ADAMTS17: variants seen among roughly 807,000 people sequenced by gnomAD.
ADAMTS17 encodes A disintegrin and metalloproteinase with thrombospondin motifs 17.
A neutral mutation model predicts 141.5 loss-of-function variants in ADAMTS17; 113 were observed. That is an observed-to-expected ratio of 0.80 (90% CI 0.69 to 0.93). The LOEUF (loss-of-function observed/expected upper bound fraction) is 0.93, where lower values mean the gene tolerates loss of function less well. Among genes scored for constraint, ADAMTS17 ranks in the 40% least tolerant of loss-of-function variants. ADAMTS17 has a pLI of 0.00. For synonymous variants in ADAMTS17, 768 were observed against 630.6 expected (o/e 1.22, Z -3.27); for missense variants, 1,659 against 1,517.9 (o/e 1.09, Z -1.54).
At chr15:100,303,227 T>TTATATA (rs1467217043) in intron 3 of ADAMTS17, among the ~76,000 whole-genome samples, 1 of 147,380 alleles carries the variant, frequency 6.8e-6, no homozygotes, top group Non-Finnish European at 1.5e-5. Flanking sequence ...AACATATATA[T>TTATATA]TATATATATA....
chr15:100,049,987 A>G (rs989246776), intron 17 of ADAMTS17, among the ~76,000 whole-genome samples: 2 of 152,166 alleles, frequency 1.3e-5, no homozygotes, highest in Non-Finnish European at 2.9e-5. Flanking sequence ...AGTGACAATA[A>G]AAGATTAATA....
At chr15:100,281,437 C>T in intron 3 of ADAMTS17, 36 bp from the exon 4 acceptor site, 2 of 1,596,558 alleles carry the variant, frequency 1.3e-6, no homozygotes, top group Non-Finnish European at 1.7e-6. Context: ...CGGTCCTTGG[C>T]TTACTGACTT....
intron 18 of ADAMTS17, among the ~76,000 whole-genome samples, chr15:100,009,859 A>G (rs915429610): frequency 2.0e-5 from 3 of 152,210 alleles, no homozygotes; most frequent in Admixed American, 6.5e-5. Flanking sequence ...AAGGCCTCTG[A>G]GTACTGAATC....
intron 15 of ADAMTS17, among the ~76,000 whole-genome samples, chr15:100,062,110 CAG>C (rs2033165553): frequency 6.6e-6 from 1 of 150,736 alleles, no homozygotes. Flanking sequence ...GTTCTATTTG[CAG>C]AGTGACAGCT....
intron 4 of ADAMTS17, among the ~76,000 whole-genome samples, chr15:100,270,183 TTTCTTCTGTGACTCTGGAG>T (rs2043856383): frequency 7.5e-6 from 1 of 133,638 alleles, no homozygotes; most frequent in Non-Finnish European, 1.8e-5. Flanking sequence ...TCTGGAGCCA[TTTCTTCTGTGACTCTGGAG>T]CCATTTCTTC....
chr15:100,073,827 A>C (rs1326473732), intron 15 of ADAMTS17, among the ~76,000 whole-genome samples: 1 of 151,586 alleles, frequency 6.6e-6, no homozygotes, highest in African/African-American at 2.4e-5. Flanking sequence ...TAACGAGTTG[A>C]TGGGTGCAGC....
intron 20 of ADAMTS17, chr15:99,978,795 C>T (rs1567634600): frequency 6.6e-6 from 1 of 152,210 alleles, no homozygotes; most frequent in Non-Finnish European, 1.5e-5. Flanking sequence ...AAAAATCCCA[C>T]ACCAATACAA....
At chr15:100,296,581 G>C (rs1424480900) in intron 3 of ADAMTS17, among the ~76,000 whole-genome samples, 2 of 130,732 alleles carry the variant, frequency 1.5e-5, no homozygotes, top group Non-Finnish European at 3.1e-5. Context: ...GTGAGGGGGG[G>C]TGTGTGTGTG....
chr15:100,163,063 T>C (rs1474821990), intron 8 of ADAMTS17, among the ~76,000 whole-genome samples: 1 of 149,348 alleles, frequency 6.7e-6, no homozygotes, highest in Non-Finnish European at 1.5e-5. Flanking sequence ...TATGTATATA[T>C]ATGTGTATAC....
Position 100,291,817 on chromosome 15 carries a change from C to T in ADAMTS17, c.617-10416G>A, listed in dbSNP as rs186189829. 1.6e-3 allele frequency among the ~76,000 whole-genome samples: 248 copies of T among 152,224 alleles called. 1 individual carries two copies. The highest frequency in any genetic ancestry group is 5.5e-3 in the African/African-American group (230 of 41,524). ...GTACACATGGCCACAAAGAAGTGAA[C>T]GACCTATCGGGTACTATGCTTATTT... On this transcript the variant is annotated intron_variant, in intron 3 of 21. Coordinates refer to ENST00000268070, the MANE Select transcript of ADAMTS17 (RefSeq NM_139057.4).
At chr15:100,019,344 T>C (rs572433766) in intron 18 of ADAMTS17, among the ~76,000 whole-genome samples, 70 of 152,174 alleles carry the variant, frequency 4.6e-4, no homozygotes, top group Non-Finnish European at 8.8e-4. Flanking sequence ...TTCCAACGTA[T>C]CTGTAACATA....
In ADAMTS17 at chr15:100,287,598, T is replaced by C. The variant is rs73484173; in HGVS notation, c.617-6197A>G. ...CACACAGTCATCAGATTCTCCAAGG[T>C]TGACATAAAATAAAGAATATTAAAG... On this transcript the variant is annotated intron_variant, in intron 3 of 21. Coordinates refer to ENST00000268070, the MANE Select transcript of ADAMTS17 (RefSeq NM_139057.4). Among the ~76,000 whole-genome samples, 916 of 151,880 alleles carry C rather than the reference T, an allele frequency of 6.0e-3. 9 individuals are homozygous for C. The highest frequency in any genetic ancestry group is 0.02 in the Middle Eastern group (6 of 294).
intron 13 of ADAMTS17, 68 bp downstream of exon 13, chr15:100,116,779 T>C: frequency 6.2e-7 from 1 of 1,610,002 alleles, no homozygotes. Flanking sequence ...CCGGCTTCCC[T>C]AGGTGGTTTT....
At chr15:100,135,915 A>G (rs1321053343) in intron 10 of ADAMTS17, among the ~76,000 whole-genome samples, 2 of 152,224 alleles carry the variant, frequency 1.3e-5, no homozygotes, top group African/African-American at 4.8e-5. Context: ...TAGAATGAAG[A>G]AGATGGAGAG....
At chr15:100,321,352 T>C (rs1439679019) in intron 3 of ADAMTS17, among the ~76,000 whole-genome samples, 1 of 152,124 alleles carries the variant, frequency 6.6e-6, no homozygotes, top group East Asian at 1.9e-4. Flanking sequence ...ATAAAATGAA[T>C]TCTAGCAATA....
rs759825365 is a variant in ADAMTS17 at position 99,974,536 on chromosome 15, C to T, written c.3154G>A (p.Asp1052Asn). ...LAALTYKCTR[D>N]QWTVYCRVIR... ...ACCCGGCAATATACCGTCCACTGGT[C>T]TCGTGTGCATTTGTAGGTCAGAGCA... The change falls in exon 22 of 22, where the codon GAC (aspartate) becomes AAC (asparagine). Residue 1052 changes from aspartate (D) to asparagine (N), a missense_variant. Physicochemically the swap from Asp to Asn is conservative, Grantham distance 23. Coordinates refer to ENST00000268070, the MANE Select transcript of ADAMTS17 (RefSeq NM_139057.4). 8 of 1,614,220 alleles carry T rather than the reference C, an allele frequency of 5.0e-6. No homozygotes were observed. In the South Asian group the frequency reaches 8.8e-5, roughly 18 times the overall value.
intron 8 of ADAMTS17, among the ~76,000 whole-genome samples, chr15:100,185,669 A>C (rs971341859): frequency 6.6e-6 from 1 of 152,206 alleles, no homozygotes; most frequent in Non-Finnish European, 1.5e-5. Context: ...ACACCAGTTC[A>C]GCTCTGCTGT....
At chr15:100,032,405 G>T (rs527634275) in intron 18 of ADAMTS17, among the ~76,000 whole-genome samples, 1 of 152,272 alleles carries the variant, frequency 6.6e-6, no homozygotes, top group African/African-American at 2.4e-5. Flanking sequence ...TTCTTTTCTA[G>T]TATGGGTGCA....
At chr15:99,983,713 G>A (rs1210217067) in intron 20 of ADAMTS17, among the ~76,000 whole-genome samples, 2 of 152,170 alleles carry the variant, frequency 1.3e-5, no homozygotes, top group South Asian at 4.1e-4. Flanking sequence ...ACAAGCCCAA[G>A]ATGGGGTGAA....
Sources: allele counts gnomAD v4.1 joint callset (sites outside exome capture counted in the v4.1 genomes callset), GRCh38; gene constraint gnomAD v4.1.1; transcripts MANE v1.5; gene names NCBI Gene and HGNC (gene_info 2026-07-23, HGNC 2026-07-21).